The following SV2C variants were observed in gnomAD, a reference collection of about 807,000 sequenced individuals.
SV2C encodes solute carrier family 22 member B3.
SV2C carries 49 observed loss-of-function variants against 79.7 expected under a neutral mutation model. The ratio of observed to expected loss-of-function variants is 0.61; its 90% CI spans 0.49 to 0.78. SV2C has a LOEUF of 0.78. Ranked by LOEUF, SV2C falls within the 30% of genes least tolerant of loss-of-function variation. SV2C has a pLI of 0.00. For missense variants in SV2C, 833 were observed against 912.9 expected (o/e 0.91, Z 1.13); for synonymous variants, 334 against 333.2 (o/e 1.00, Z -0.03).
At chr5:75,997,998 A>G in the SV2C span, among the ~76,000 whole-genome samples, 2 of 152,232 alleles carry the variant, frequency 1.3e-5, no homozygotes, top group South Asian at 4.2e-4. Context: ...ACACCATGGA[A>G]TACTATGCAG....
the SV2C span, among the ~76,000 whole-genome samples, chr5:76,054,171 G>A: frequency 5.3e-5 from 8 of 152,064 alleles, no homozygotes; most frequent in Non-Finnish European, 7.4e-5. Context: ...AGGCCCCGGT[G>A]TGTGATGTTC....
chr5:76,122,972 G>A (rs1748574732), intron 1 of SV2C, among the ~76,000 whole-genome samples: 1 of 152,018 alleles, frequency 6.6e-6, no homozygotes, highest in African/African-American at 2.4e-5. Context: ...TAGAACGCTA[G>A]CAAGACCAAT....
At chr5:75,953,597 G>A in the SV2C span, among the ~76,000 whole-genome samples, 11 of 151,988 alleles carry the variant, frequency 7.2e-5, no homozygotes, top group East Asian at 1.9e-3. Flanking sequence ...ACTTTATCCG[G>A]AAACCCAGAA....
chr5:76,243,487 G>T (rs1745858348), intron 4 of SV2C, among the ~76,000 whole-genome samples: 1 of 152,146 alleles, frequency 6.6e-6, no homozygotes, highest in African/African-American at 2.4e-5. Context: ...TGGGAAGAGA[G>T]ATTTTTTTAA....
the SV2C span, among the ~76,000 whole-genome samples, chr5:76,001,378 A>G: frequency 1.3e-5 from 2 of 152,116 alleles, no homozygotes; most frequent in Non-Finnish European, 2.9e-5. Flanking sequence ...GGGTGGGTGG[A>G]TCATGAGGTC....
At chr5:75,961,564 A>G in the SV2C span, among the ~76,000 whole-genome samples, 1 of 151,930 alleles carries the variant, frequency 6.6e-6, no homozygotes, top group Non-Finnish European at 1.5e-5. Flanking sequence ...ATTATAAAAT[A>G]TGATTCATAA....
chr5:76,023,349 G>A, the SV2C span, among the ~76,000 whole-genome samples: 2 of 152,080 alleles, frequency 1.3e-5, no homozygotes, highest in African/African-American at 2.4e-5. Context: ...CTGCTCCTTC[G>A]TTTCCAAAGG....
the SV2C span, among the ~76,000 whole-genome samples, chr5:75,947,009 G>A: frequency 6.6e-6 from 1 of 152,118 alleles, no homozygotes; most frequent in Non-Finnish European, 1.5e-5. Context: ...GATTGGCTGA[G>A]TCTGGTCAGT....
chr5:76,352,174 T>C (rs984503263), intron 12 of SV2C, among the ~76,000 whole-genome samples: 4 of 151,964 alleles, frequency 2.6e-5, no homozygotes, highest in Non-Finnish European at 5.9e-5. Context: ...GCTTGCGCCA[T>C]TGCACTCCAG....
At chr5:75,999,375 AAGAGAGAG>A in the SV2C span, among the ~76,000 whole-genome samples, 2,247 of 134,776 alleles carry the variant, frequency 0.017, 40 homozygotes, top group African/African-American at 0.043. Flanking sequence ...GGGAGGGAGA[AAGAGAGAG>A]AGAGAGAGAG....
the SV2C span, among the ~76,000 whole-genome samples, chr5:75,998,960 G>T: frequency 6.6e-6 from 1 of 152,086 alleles, no homozygotes; most frequent in Non-Finnish European, 1.5e-5. Context: ...AAAAGAAAGA[G>T]TTTTAATTGG....
intron 1 of SV2C, among the ~76,000 whole-genome samples, chr5:76,097,140 C>T (rs1747593732): frequency 6.6e-6 from 1 of 152,152 alleles, no homozygotes; most frequent in South Asian, 2.1e-4. Context: ...TCCACATAAG[C>T]AAAGCCTTGC....
chr5:76,058,204 C>T, the SV2C span, among the ~76,000 whole-genome samples: 1 of 152,104 alleles, frequency 6.6e-6, no homozygotes, highest in Non-Finnish European at 1.5e-5. Context: ...AGTCCTAAAA[C>T]TGTATCTACA....
chr5:76,236,324 C>T (rs554395299), intron 4 of SV2C, among the ~76,000 whole-genome samples: 2 of 152,262 alleles, frequency 1.3e-5, no homozygotes, highest in South Asian at 4.1e-4. Context: ...AATCCCAGCA[C>T]TCTGGGAGGA....
chr5:75,961,449 G>A, the SV2C span, among the ~76,000 whole-genome samples: 2 of 151,696 alleles, frequency 1.3e-5, no homozygotes, highest in African/African-American at 2.4e-5. Context: ...AAAGGTAAAT[G>A]CAAAGTATAA....
chr5:76,281,397 T>TAAA (rs745421752), intron 4 of SV2C: 3 of 182,798 alleles, frequency 1.6e-5, no homozygotes, highest in Non-Finnish European at 2.1e-5. Context: ...TTATGCAAAG[T>TAAA]AAAAAAAAAA....
chr5:75,933,157 C>T, the SV2C span, among the ~76,000 whole-genome samples: 1 of 152,148 alleles, frequency 6.6e-6, no homozygotes, highest in South Asian at 2.1e-4. Flanking sequence ...TGACTGTCAC[C>T]TCCTCAGAGA....
chr5:76,332,620 G>T lies in SV2C; in HGVS notation c.*7073G>T, dbSNP rs562779199. On this transcript the variant is annotated 3_prime_UTR_variant, in exon 13 of 13. Coordinates refer to ENST00000502798, the MANE Select transcript of SV2C (RefSeq NM_014979.4). ...CTGTATGGTAGAAATACTGTATACAGGTATACTACTACACACACCTTCCCA... is the reference window on the plus strand; with the variant it reads ...CTGTATGGTAGAAATACTGTATACATGTATACTACTACACACACCTTCCCA... 6 of 152,182 alleles carry T rather than the reference G, an allele frequency of 3.9e-5. No homozygotes were observed. Among genetic ancestry groups the T allele is most frequent in the East Asian group, 1.9e-4 (1 of 5,182 alleles). 9.4% of individuals were successfully genotyped at this position (152,182 alleles called of 1,614,324 possible). A position where few individuals can be genotyped will look rare whatever the true frequency, so the allele number is the denominator to read the frequency against.
At chr5:76,148,419 T>C (rs777088912) in intron 2 of SV2C, among the ~76,000 whole-genome samples, 12 of 152,206 alleles carry the variant, frequency 7.9e-5, no homozygotes, top group Non-Finnish European at 1.8e-4. Flanking sequence ...TCACTGGCCG[T>C]GACTATTCTT....
Sources: allele counts gnomAD v4.1 joint callset (sites outside exome capture counted in the v4.1 genomes callset), GRCh38; gene constraint gnomAD v4.1.1; transcripts MANE v1.5; gene names NCBI Gene and HGNC (gene_info 2026-07-23, HGNC 2026-07-21).